Variants in PRRC2A observed in about 807,000 individuals in gnomAD.
PRRC2A encodes proline rich coiled-coil 2A, also known as protein PRRC2A.
A neutral mutation model predicts 224.6 loss-of-function variants in PRRC2A; 59 were observed. The ratio of observed to expected loss-of-function variants is 0.26; its 90% CI spans 0.21 to 0.33. PRRC2A has a LOEUF of 0.33. Ranked by LOEUF, PRRC2A falls within the 10% of genes least tolerant of loss-of-function variation. The pLI, the probability that PRRC2A is intolerant of heterozygous loss-of-function variation, is 1.00. For missense variants in PRRC2A, 3,095 were observed against 2,880.7 expected, an observed-to-expected ratio of 1.07 and a Z score of -1.70; for synonymous variants, 1,194 against 1,109.5, an observed-to-expected ratio of 1.08 and a Z score of -1.51.
intron 2 of PRRC2A, among the ~76,000 whole-genome samples, chr6:31,623,393 G>A (rs1775536804): frequency 6.7e-6 from 1 of 149,990 alleles, no homozygotes; most frequent in Non-Finnish European, 1.5e-5. Flanking sequence ...TCAGCCTCCT[G>A]AGTAGCTGGG....
intron 14 of PRRC2A, among the ~76,000 whole-genome samples, chr6:31,630,114 C>T (rs1482016982): frequency 1.3e-5 from 2 of 152,100 alleles, no homozygotes; most frequent in East Asian, 1.9e-4. Flanking sequence ...TTCAGGAGTT[C>T]GAGACCACCA....
chr6:31,637,735 G>T lies in PRRC2A; in HGVS notation c.*149G>T. The T allele has an allele frequency of 2.2e-5, 10 of 446,216 alleles. No individual in the cohort carries two copies. The highest frequency in any genetic ancestry group is 4.0e-5 in the Admixed American group (1 of 24,716). The allele number at this position is 446,216 out of a possible 1,614,324, so 27.6% of individuals were successfully genotyped here. On this transcript the variant is annotated 3_prime_UTR_variant, in exon 31 of 31. Transcript: ENST00000376033. Reference sequence around the variant, plus strand: ...TGGTCCCCTGTCCCTGGGGCTGTTTGTTAAAAAAGAGTAATAAAAGGATTT... The same window carrying T: ...TGGTCCCCTGTCCCTGGGGCTGTTTTTTAAAAAAGAGTAATAAAAGGATTT...
rs768020805 is a variant in PRRC2A at position 31,631,197 on chromosome 6, C to A, written c.2524C>A (p.Pro842Thr). The A allele has an allele frequency of 6.3e-7, 1 of 1,594,498 alleles. No individual in the cohort carries two copies. The highest frequency in any genetic ancestry group is 1.3e-5 in the African/African-American group (1 of 74,100). Reference protein sequence around the residue: ...PPYLASYPGFPENGAPGPPIS... With the variant: ...PPYLASYPGFTENGAPGPPIS... ...CTATCTGGCCAGTTATCCAGGCTTTCCTGAGAATGGAGCCCCTGGGCCCCC... is the reference window on the plus strand; with the variant it reads ...CTATCTGGCCAGTTATCCAGGCTTTACTGAGAATGGAGCCCCTGGGCCCCC... Residue 842 changes from proline (P) to threonine (T), a missense_variant, in exon 16 of 31, where the codon CCT (proline) becomes ACT (threonine). By Grantham distance (38) the Pro-to-Thr change is conservative. Coordinates refer to ENST00000376033, the MANE Select transcript of PRRC2A (RefSeq NM_004638.4). The surrounding 1 kb of genome is among the most constrained non-coding windows in gnomAD (Gnocchi z 4.5).
chr6:31,621,296 CCCT>C (rs199646346), intron 1 of PRRC2A, among the ~76,000 whole-genome samples: 2,337 of 152,212 alleles, frequency 0.015, 29 homozygotes, highest in Non-Finnish European at 0.02. Context: ...CTGTGTTCCC[CCCT>C]CTGGACGCCC....
At chr6:31,622,963 T>C in intron 2 of PRRC2A, 62 bp downstream of exon 2, 1 of 1,348,704 alleles carries the variant, frequency 7.4e-7, no homozygotes, top group Non-Finnish European at 1.1e-6. Context: ...GGCATACGTT[T>C]TAGAGCTCTT....
chr6:31,636,064 C>T lies in PRRC2A; in HGVS notation c.5624+15C>T, dbSNP rs1777305850. 1 of 1,599,898 alleles carries T rather than the reference C, an allele frequency of 6.3e-7. No homozygotes were observed. Among genetic ancestry groups the T allele is most frequent in the Non-Finnish European group, 8.6e-7 (1 of 1,167,228 alleles). ...CACCCTTACAGGTAAGACTCGATGC[C>T]TGTGGATCACAGAAGTACTTGGAGA... is the stretch of plus-strand genomic sequence containing the variant. On this transcript the variant is annotated intron_variant, in intron 25 of 30. Transcript: ENST00000376033. This position sits in a 1 kb window ranked among gnomAD's most constrained non-coding sequence, Gnocchi z 4.3.
Position 31,636,714 on chromosome 6 carries a change from C to T in PRRC2A, c.5935-19C>T. 6.2e-7 allele frequency: 1 copy of T among 1,606,782 alleles called. No homozygotes were observed. Among genetic ancestry groups the T allele is most frequent in the Non-Finnish European group, 8.5e-7 (1 of 1,178,366 alleles). On this transcript the variant is annotated intron_variant, in intron 27 of 30. Transcript: ENST00000376033. This position sits in a 1 kb window ranked among gnomAD's most constrained non-coding sequence, Gnocchi z 4.3. Reference sequence around the variant, plus strand: ...TTCCTCCCTGCCCCCAACATGCACACCCAAATTTCTTGTTACAGATGCTTC... The same window carrying T: ...TTCCTCCCTGCCCCCAACATGCACATCCAAATTTCTTGTTACAGATGCTTC...
At position 31,625,777 on chromosome 6, in the gene PRRC2A, T is replaced by C. The variant is rs1406187868; in HGVS notation, c.760-15T>C. On this transcript the variant is annotated splice_polypyrimidine_tract_variant and intron_variant, in intron 7 of 30. Coordinates refer to ENST00000376033, the MANE Select transcript of PRRC2A (RefSeq NM_004638.4). The surrounding 1 kb of genome is among the most constrained non-coding windows in gnomAD (Gnocchi z 4.1). ...GACTGTCCCTCTGAGCAGCTACTGT[T>C]GGACCCTTTTACAGATGTATCCCCC... The C allele has an allele frequency of 6.4e-7, 1 of 1,564,978 alleles. No individual in the cohort carries two copies. The highest frequency in any genetic ancestry group is 1.1e-5 in the South Asian group (1 of 90,052).
chr6:31,634,790 A>C lies in PRRC2A; in HGVS notation c.4973A>C (p.Asp1658Ala). ...GACAGTGGGGTGGACCTGAGTGGGG[A>C]TTCTCAGGTGTCATCAGGTCCCTGC... The part of the protein sequence containing the change: ...QSDSGVDLSG[D>A]SQVSSGPCSQ... Residue 1658 changes from aspartate to alanine, a missense_variant, in exon 21 of 31, where the codon GAT becomes GCT. By Grantham distance (126) the Asp-to-Ala change is moderately radical. Transcript: ENST00000376033. 1 of 1,612,532 alleles carries C rather than the reference A, an allele frequency of 6.2e-7. No homozygotes were observed. Among genetic ancestry groups the C allele is most frequent in the Non-Finnish European group, 8.5e-7 (1 of 1,179,930 alleles).
At chr6:31,630,490 A>C in intron 14 of PRRC2A, 101 bp from the exon 15 acceptor site, 1 of 1,191,008 alleles carries the variant, frequency 8.4e-7, no homozygotes, top group Non-Finnish European at 1.2e-6. Context: ...ACTGGGAACA[A>C]GAGATGGAAG....
At chr6:31,626,949 C>T in intron 10 of PRRC2A, 33 bp from the exon 11 acceptor site, 1 of 1,613,498 alleles carries the variant, frequency 6.2e-7, no homozygotes, top group Non-Finnish European at 8.5e-7. Flanking sequence ...TTAGTTGCAG[C>T]TGATTTTAAT....
intron 23 of PRRC2A, 28 bp from the exon 24 acceptor site, chr6:31,635,554 C>G (rs755366983): frequency 2.7e-5 from 44 of 1,610,998 alleles, no homozygotes; most frequent in Non-Finnish European, 3.6e-5. Context: ...TGCCAGACAT[C>G]CCTCTCCACG....
chr6:31,632,933 A>G lies in PRRC2A; in HGVS notation c.4260A>G (p.Gly1420=). The change falls in exon 16 of 31, where the codon GGA becomes GGG. Residue 1420 remains glycine, a synonymous_variant. Coordinates refer to ENST00000376033, the MANE Select transcript of PRRC2A (RefSeq NM_004638.4). The stretch of plus-strand genomic sequence containing the variant: ...GTGGAGGAGGCGGTGGGGGTCCTGG[A>G]GGAAGGACCGGGCCAGGACGAGGCG... ...SSSGGGGGGP[G]GRTGPGRGDK... 1 of 1,612,028 alleles carries G rather than the reference A, an allele frequency of 6.2e-7. No individual in the cohort carries two copies. The highest frequency in any genetic ancestry group is 8.5e-7 in the Non-Finnish European group (1 of 1,179,490).
chr6:31,623,210 A>C, intron 2 of PRRC2A: 1 of 682,938 alleles, frequency 1.5e-6, no homozygotes, highest in South Asian at 1.4e-5. Flanking sequence ...ATCTCACATA[A>C]AAGTATTGAA....
Position 31,627,902 on chromosome 6 carries a change from G to T in PRRC2A, c.1428G>T (p.Arg476=), listed in dbSNP as rs200976057. ...RARRRREEEE[R]RMQEERRAAC... is the part of the protein sequence containing the mutation. ...GGCGACGGCGAGAAGAAGAGGAGCG[G>T]CGCATGCAAGAAGAGCGCCGGGCAG... The change falls in exon 12 of 31, where the codon CGG becomes CGT. Residue 476 remains arginine, a synonymous_variant. Coordinates refer to ENST00000376033, the MANE Select transcript of PRRC2A (RefSeq NM_004638.4). The surrounding 1 kb of genome is among the most constrained non-coding windows in gnomAD (Gnocchi z 5.6). 1 of 1,613,026 alleles carries T rather than the reference G, an allele frequency of 6.2e-7. No homozygotes were observed. The highest frequency in any genetic ancestry group is 8.5e-7 in the Non-Finnish European group (1 of 1,180,036).
Position 31,625,068 on chromosome 6 carries a change from G to C in PRRC2A, c.464-103G>C. The C allele has an allele frequency of 7.4e-7, 1 of 1,349,200 alleles. No individual in the cohort carries two copies. The allele number at this position is 1,349,200 out of a possible 1,614,324, so 83.6% of individuals were successfully genotyped here. A position where few individuals can be genotyped will look rare whatever the true frequency, so the allele number is the denominator to read the frequency against. ...CCGCCTCAGCCTCCCAGAGTGCTGG[G>C]ATTACAGGCGTGAGCCACCGCGCCC... On this transcript the variant is annotated intron_variant, in intron 5 of 30. Transcript: ENST00000376033. This position sits in a 1 kb window ranked among gnomAD's most constrained non-coding sequence, Gnocchi z 4.1.
At position 31,634,249 on chromosome 6, in the gene PRRC2A, C is replaced by G; in HGVS notation, c.4733C>G (p.Pro1578Arg). 3 of 1,581,638 alleles carry G rather than the reference C, an allele frequency of 1.9e-6. No homozygotes were observed. The highest frequency in any genetic ancestry group is 2.3e-5 in the South Asian group (2 of 86,700). ...TCTCATCTGTAGGAATCTTTGCCAC[C>G]TCCTCATAGCTCTGGATTCTTGGGC... ...PELLQEESLP[P>R]PHSSGFLGSK... is the part of the protein sequence containing the mutation. Residue 1578 changes from proline to arginine, a missense_variant, in exon 19 of 31, where the codon CCT becomes CGT. Coordinates refer to ENST00000376033, the MANE Select transcript of PRRC2A (RefSeq NM_004638.4).
intron 12 of PRRC2A, 181 bp from the exon 13 acceptor site, chr6:31,628,963 G>A: frequency 3.2e-6 from 2 of 618,962 alleles, no homozygotes; most frequent in Non-Finnish European, 5.7e-6. Flanking sequence ...CACCACCATA[G>A]GCTCATGAGA....
At position 31,630,779 on chromosome 6, in the gene PRRC2A, G is replaced by T. The variant is rs1020643453; in HGVS notation, c.2443G>T (p.Asp815Tyr). 2 of 1,614,074 alleles carry T rather than the reference G, an allele frequency of 1.2e-6. No individual in the cohort carries two copies. Among genetic ancestry groups the T allele is most frequent in the Non-Finnish European group, 1.7e-6 (2 of 1,180,038 alleles). Residue 815 changes from aspartate (D) to tyrosine (Y), a missense_variant, in exon 15 of 31, where the codon GAT (aspartate) becomes TAT (tyrosine). This residue lies in a region of PRRC2A where 2,001 missense variants were observed against 1,764.9 expected (regional missense o/e 1.13). Coordinates refer to ENST00000376033, the MANE Select transcript of PRRC2A (RefSeq NM_004638.4). ...TACCTCACCTCTGCGCCAGGCTGCG[G>T]ATGAGGATGACAAGGGGATGAGGTG... ...PLTSPLRQAA[D>Y]EDDKGMRSET...
Sources: gnomAD v4.1 joint callset for allele counts (sites outside exome capture counted in the v4.1 genomes callset) on GRCh38, gnomAD v4.1.1 for gene constraint, gnomAD v4.1.1 regional missense constraint, Gnocchi (gnomAD v3.1) non-coding constraint, MANE v1.5 for transcripts, NCBI Gene and HGNC (gene_info 2026-07-23, HGNC 2026-07-21) for gene names.